ITGA10: variants seen among roughly 807,000 people sequenced by gnomAD.
ITGA10 encodes integrin subunit alpha 10.
In ITGA10, 105 loss-of-function variants were observed where a neutral mutation model predicts 145.2. That is an observed-to-expected ratio of 0.72 (90% CI 0.62 to 0.85). The LOEUF (loss-of-function observed/expected upper bound fraction) is 0.85. ITGA10 is among the 40% of genes least tolerant of loss of function. The probability of loss-of-function intolerance (pLI) is 0.00; values close to 1 mark genes in which losing one functional copy is unlikely to be tolerated. For synonymous variants in ITGA10, 506 were observed against 557.8 expected, an observed-to-expected ratio of 0.91 and a Z score of 1.31; for missense variants, 1,317 against 1,444.5, an observed-to-expected ratio of 0.91 and a Z score of 1.43.
intron 29 of ITGA10, 89 bp from the exon 30 acceptor site, chr1:145,892,952 T>C: frequency 9.2e-7 from 1 of 1,088,170 alleles, no homozygotes; most frequent in Non-Finnish European, 1.4e-6. Context: ...TCTTCACTTT[T>C]GTTCTGTTTC....
At position 145,901,996 on chromosome 1, in the gene ITGA10, C is replaced by A; in HGVS notation, c.1175G>T (p.Gly392Val). The change falls in exon 11 of 30, where the codon GGG (glycine) becomes GTG (valine). Residue 392 changes from glycine (G) to valine (V), a missense_variant. Transcript: ENST00000369304. This position sits in a 1 kb window ranked among gnomAD's most constrained non-coding sequence, Gnocchi z 4.3. Reference protein sequence around the residue: ...LKDGILFGMVGAYDWGGSVLW... With the variant: ...LKDGILFGMVVAYDWGGSVLW... ...CACAGAGCCTCCCCAGTCATAGGCC[C>A]CCACCATCCCAAAAAGAATCCCATC... 1 of 1,614,090 alleles carries A rather than the reference C, an allele frequency of 6.2e-7. No individual in the cohort carries two copies. The highest frequency in any genetic ancestry group is 2.2e-5 in the East Asian group (1 of 44,884).
At chr1:145,907,564 G>A in intron 1 of ITGA10, 99 bp from the exon 2 acceptor site, 2 of 1,546,704 alleles carry the variant, frequency 1.3e-6, no homozygotes, top group South Asian at 2.5e-5. Flanking sequence ...CAGTCTGCCT[G>A]CCTGCTTTTT....
chr1:145,900,725 G>T, intron 14 of ITGA10, 65 bp downstream of exon 14: 2 of 1,526,796 alleles, frequency 1.3e-6, no homozygotes, highest in Non-Finnish European at 1.8e-6. Flanking sequence ...CTATTGACAA[G>T]CAAAGAGCAT....
chr1:145,902,498 G>T lies in ITGA10; in HGVS notation c.1031C>A (p.Thr344Asn), dbSNP rs781975403. 4 of 1,613,380 alleles carry T rather than the reference G, an allele frequency of 2.5e-6. No individual in the cohort carries two copies. Among genetic ancestry groups the T allele is most frequent in the African/African-American group, 1.3e-5 (1 of 75,016 alleles). The change falls in exon 9 of 30, where the codon ACT (threonine) becomes AAT (asparagine). Residue 344 changes from threonine (T) to asparagine (N), a missense_variant. Coordinates refer to ENST00000369304, the MANE Select transcript of ITGA10 (RefSeq NM_003637.5). ...ATCTCCTAGTGCATCCACAATGTCA[G>T]TCAGAGCAGCCTCATCTGTGACATT... Reference protein sequence around the residue: ...FFNVTDEAALTDIVDALGDRI... With the variant: ...FFNVTDEAALNDIVDALGDRI...
At position 145,896,840 on chromosome 1, in the gene ITGA10, A is replaced by G. The variant is rs1553745290; in HGVS notation, c.2763T>C (p.Asn921=). 3 of 1,613,846 alleles carry G rather than the reference A, an allele frequency of 1.9e-6. No homozygotes were observed. The highest frequency in any genetic ancestry group is 1.1e-5 in the South Asian group (1 of 91,068). The part of the protein sequence containing the change: ...LTASSDSLER[N]GTLQDNTAQT... Reference sequence around the variant, plus strand: ...GGGCTGTGTTATCTTGAAGGGTCCCATTTCTCTCCAGGCTGTCACTGTAGG... The same window carrying G: ...GGGCTGTGTTATCTTGAAGGGTCCCGTTTCTCTCCAGGCTGTCACTGTAGG... Residue 921 remains asparagine (N), a synonymous_variant, in exon 23 of 30, where the codon AAT becomes AAC. Coordinates refer to ENST00000369304, the MANE Select transcript of ITGA10 (RefSeq NM_003637.5).
In ITGA10 at chr1:145,902,011, A is replaced by C; in HGVS notation, c.1160T>G (p.Leu387Arg). The C allele has an allele frequency of 6.2e-7, 1 of 1,614,184 alleles. No individual in the cohort carries two copies. Among genetic ancestry groups the C allele is most frequent in the Non-Finnish European group, 8.5e-7 (1 of 1,180,018 alleles). The change falls in exon 11 of 30, where the codon CTT (leucine) becomes CGT (arginine). Residue 387 changes from leucine to arginine, a missense_variant. Leu to Arg is a moderately radical substitution (Grantham distance 102). Coordinates refer to ENST00000369304, the MANE Select transcript of ITGA10 (RefSeq NM_003637.5). Reference protein sequence around the residue: ...FSTHRLKDGILFGMVGAYDWG... With the variant: ...FSTHRLKDGIRFGMVGAYDWG... ...GTCATAGGCCCCCACCATCCCAAAA[A>C]GAATCCCATCCTGTGGGACAGAAGC...
chr1:145,901,069 T>C lies in ITGA10; in HGVS notation c.1587+66A>G, dbSNP rs1656248437. On this transcript the variant is annotated intron_variant, in intron 13 of 29. Coordinates refer to ENST00000369304, the MANE Select transcript of ITGA10 (RefSeq NM_003637.5). This position sits in a 1 kb window ranked among gnomAD's most constrained non-coding sequence, Gnocchi z 4.3. ...CAGCAAACCCTCAAATATGTGCACCTTCCCTCCTTTCCTCCCTCCACCCCC... is the reference window on the plus strand; with the variant it reads ...CAGCAAACCCTCAAATATGTGCACCCTCCCTCCTTTCCTCCCTCCACCCCC... The C allele has an allele frequency of 6.2e-7, 1 of 1,607,860 alleles. No individual in the cohort carries two copies. Among genetic ancestry groups the C allele is most frequent in the Admixed American group, 1.7e-5 (1 of 59,940 alleles).
chr1:145,893,716 T>C, intron 27 of ITGA10, 81 bp from the exon 28 acceptor site: 5 of 1,108,986 alleles, frequency 4.5e-6, no homozygotes, highest in Admixed American at 4.0e-5. Context: ...AACAGCAAAG[T>C]TGAGGCTGAG....
chr1:145,899,337 G>T lies in ITGA10; in HGVS notation c.1927C>A (p.Arg643=), dbSNP rs1553747002. 1 of 1,613,802 alleles carries T rather than the reference G, an allele frequency of 6.2e-7. No individual in the cohort carries two copies. Among genetic ancestry groups the T allele is most frequent in the Admixed American group, 1.7e-5 (1 of 60,010 alleles). ...GATGGGGTCAGATGGACAATGGGCC[G>T]GGAGCTGGGAACAGTGTGGAAAAGA... ...AQGAAILLSS[R]PIVHLTPSLE... Residue 643 remains arginine, a synonymous_variant, in exon 16 of 30, where the codon CGG becomes AGG. Coordinates refer to ENST00000369304, the MANE Select transcript of ITGA10 (RefSeq NM_003637.5).
In ITGA10 at chr1:145,902,269, C is replaced by T; in HGVS notation, c.1126G>A (p.Gly376Ser). 1 of 1,614,114 alleles carries T rather than the reference C, an allele frequency of 6.2e-7. No homozygotes were observed. The highest frequency in any genetic ancestry group is 2.2e-5 in the East Asian group (1 of 44,884). The change falls in exon 10 of 30, where the codon GGT becomes AGT. Residue 376 changes from glycine (G) to serine (S), a missense_variant. Physicochemically the swap from Gly to Ser is moderately conservative, Grantham distance 56. Coordinates refer to ENST00000369304, the MANE Select transcript of ITGA10 (RefSeq NM_003637.5). ...SSFGLEMSQIGFSTHRLKDGI... is the reference protein window; with the variant it reads ...SSFGLEMSQISFSTHRLKDGI... Reference sequence around the variant, plus strand: ...ACCTTTAGCCGATGAGTGGAGAAACCAATCTGAGACATTTCCAGCCCAAAG... The same window carrying T: ...ACCTTTAGCCGATGAGTGGAGAAACTAATCTGAGACATTTCCAGCCCAAAG...
intron 1 of ITGA10, among the ~76,000 whole-genome samples, chr1:145,908,273 C>T (rs1553752050): frequency 6.6e-6 from 1 of 152,186 alleles, no homozygotes; most frequent in African/African-American, 2.4e-5. Flanking sequence ...CATTGTCACA[C>T]TCTCACTGTC....
In ITGA10 at chr1:145,897,867, C is replaced by G; in HGVS notation, c.2380G>C (p.Glu794Gln). Residue 794 changes from glutamate (E) to glutamine (Q), a missense_variant, in exon 19 of 30, where the codon GAA becomes CAA. Transcript: ENST00000369304. ...PFSKDCGPDN[E>Q]CVTDLVLQVN... is the part of the protein sequence containing the mutation. ...TGAAGCACCAGGTCTGTGACACATTCATTGTCAGGGCCACAATCCTTTGAG... is the reference window on the plus strand; with the variant it reads ...TGAAGCACCAGGTCTGTGACACATTGATTGTCAGGGCCACAATCCTTTGAG... The G allele has an allele frequency of 1.9e-6, 3 of 1,614,076 alleles. No individual in the cohort carries two copies. Among genetic ancestry groups the G allele is most frequent in the Non-Finnish European group, 2.5e-6 (3 of 1,179,968 alleles).
chr1:145,902,354 G>A lies in ITGA10; in HGVS notation c.1076-35C>T, dbSNP rs1264515461. 3 of 1,611,662 alleles carry A rather than the reference G, an allele frequency of 1.9e-6. No homozygotes were observed. The African/African-American group carries it at 4.0e-5, about 22-fold the overall frequency. On this transcript the variant is annotated intron_variant, in intron 9 of 29. Transcript: ENST00000369304. ...GAGAAAACATTGAGACAATATCAGG[G>A]GAAGACAGTTTCCCCTTTGACCTAC... is the stretch of plus-strand genomic sequence containing the variant.
intron 5 of ITGA10, 136 bp from the exon 6 acceptor site, chr1:145,904,947 T>C (rs1348804316): frequency 1.2e-6 from 1 of 821,882 alleles, no homozygotes; most frequent in Non-Finnish European, 1.9e-6. Context: ...TGCCAGGCTC[T>C]GTGTAAGTGT....
rs781987259 is a variant in ITGA10 at position 145,900,141 on chromosome 1, C to T, written c.1838G>A (p.Arg613Gln). The T allele has an allele frequency of 1.2e-5, 19 of 1,613,948 alleles. No individual in the cohort carries two copies. Among genetic ancestry groups the T allele is most frequent in the African/African-American group, 2.7e-5 (2 of 74,936 alleles). The stretch of plus-strand genomic sequence containing the variant: ...CAGATCTAGCCGACCATCCACACTT[C>T]GGCCAAAGTAGCTGAGGGCATGTGG... ...SMPHALSYFG[R>Q]SVDGRLDLDG... is the part of the protein sequence containing the mutation. The change falls in exon 15 of 30, where the codon CGA (arginine) becomes CAA (glutamine). Residue 613 changes from arginine to glutamine, a missense_variant. Arg to Gln is a conservative substitution (Grantham distance 43, BLOSUM62 1). Coordinates refer to ENST00000369304, the MANE Select transcript of ITGA10 (RefSeq NM_003637.5).
rs1417191046 is a variant in ITGA10, at chr1:145,902,975, GGAGT to G, written c.759-18_759-15del. The G allele has an allele frequency of 5.2e-6, 8 of 1,552,362 alleles. No homozygotes were observed. The highest frequency in any genetic ancestry group is 7.0e-6 in the Non-Finnish European group (8 of 1,148,438). ...AACCCTTCTGTGCTGAGAAGAGAAA[GGAGT>G]GAGGTGAGATCAGATGTATGCAGAC... On this transcript the variant is annotated splice_polypyrimidine_tract_variant and intron_variant, in intron 7 of 29. Coordinates refer to ENST00000369304, the MANE Select transcript of ITGA10 (RefSeq NM_003637.5).
chr1:145,897,728 G>A (rs1655636832), intron 19 of ITGA10, 75 bp from the exon 20 acceptor site: 3 of 1,611,668 alleles, frequency 1.9e-6, no homozygotes, highest in East Asian at 2.2e-5. Context: ...TGTTATCATG[G>A]GTAAGAAACA....
intron 14 of ITGA10, 47 bp from the exon 15 acceptor site, chr1:145,900,234 T>C: frequency 6.4e-7 from 1 of 1,550,654 alleles, no homozygotes; most frequent in South Asian, 1.2e-5. Context: ...ATACACCTAG[T>C]TTCTCAGGCC....
At position 145,906,471 on chromosome 1, in the gene ITGA10, G is replaced by C. The variant is rs782190854; in HGVS notation, c.404C>G (p.Ser135Cys). ...APLWSRACGS[S>C]VFSSGICARV... ...GGCACATATCCCAGAACTGAAGACAGAGCTGCCACAAGCACGAGACCAGAG... is the reference window on the plus strand; with the variant it reads ...GGCACATATCCCAGAACTGAAGACACAGCTGCCACAAGCACGAGACCAGAG... Residue 135 changes from serine to cysteine, a missense_variant, in exon 5 of 30, where the codon TCT (serine) becomes TGT (cysteine). Transcript: ENST00000369304. 1.2e-6 allele frequency: 2 copies of C among 1,614,154 alleles called. No individual in the cohort carries two copies. The highest frequency in any genetic ancestry group is 8.5e-7 in the Non-Finnish European group (1 of 1,180,024).
Sources: allele counts gnomAD v4.1 joint callset (sites outside exome capture counted in the v4.1 genomes callset), GRCh38; gene constraint gnomAD v4.1.1; non-coding constraint Gnocchi (gnomAD v3.1); transcripts MANE v1.5; gene names NCBI Gene and HGNC (gene_info 2026-07-23, HGNC 2026-07-21).